The following TMEM108 variants were observed in gnomAD, a reference collection of about 807,000 sequenced individuals.
TMEM108 encodes the protein transmembrane protein 108.
A neutral mutation model predicts 35.1 loss-of-function variants in TMEM108; 12 were observed. The ratio of observed to expected loss-of-function variants is 0.34; its 90% CI spans 0.22 to 0.55. The LOEUF (loss-of-function observed/expected upper bound fraction) is 0.55, where lower values mean the gene tolerates loss of function less well. Among genes scored for constraint, TMEM108 ranks in the 20% least tolerant of loss-of-function variants. The probability of loss-of-function intolerance (pLI) is 0.89; values close to 1 mark genes in which losing one functional copy is unlikely to be tolerated. For synonymous variants in TMEM108, 287 were observed against 308.6 expected (o/e 0.93, Z 0.73); for missense variants, 680 against 753.3 (o/e 0.90, Z 1.14).
intron 2 of TMEM108, among the ~76,000 whole-genome samples, chr3:133,153,147 A>G (rs1238537119): frequency 6.6e-6 from 1 of 152,146 alleles, no homozygotes; most frequent in Admixed American, 6.6e-5. Flanking sequence ...CATTCCTCCT[A>G]TACATAAAAT....
At chr3:133,378,739 T>C (rs540852030) in intron 3 of TMEM108, among the ~76,000 whole-genome samples, 21 of 152,120 alleles carry the variant, frequency 1.4e-4, no homozygotes, top group Non-Finnish European at 2.5e-4. Flanking sequence ...TTTAAACATA[T>C]ACGTTTTTGT....
intron 1 of TMEM108, among the ~76,000 whole-genome samples, chr3:133,040,295 C>T (rs990708576): frequency 2.6e-5 from 4 of 151,276 alleles, no homozygotes; most frequent in Non-Finnish European, 5.9e-5. Context: ...CCTCCGTCTC[C>T]TGGATTCAAA....
At chr3:133,371,630 A>T (rs1014111640) in intron 3 of TMEM108, among the ~76,000 whole-genome samples, 1 of 151,276 alleles carries the variant, frequency 6.6e-6, no homozygotes. Flanking sequence ...AAAAAAAAAA[A>T]AAAAAAAAAC....
At chr3:133,220,062 T>C (rs1945966371) in intron 2 of TMEM108, among the ~76,000 whole-genome samples, 1 of 149,974 alleles carries the variant, frequency 6.7e-6, no homozygotes, top group Non-Finnish European at 1.5e-5. Context: ...CCTTATATAA[T>C]GATGTTTTTT....
chr3:133,146,615 G>T (rs1037377449), intron 2 of TMEM108, among the ~76,000 whole-genome samples: 1 of 152,098 alleles, frequency 6.6e-6, no homozygotes, highest in East Asian at 1.9e-4. Context: ...TAGTTGGTAG[G>T]CTATTAATTA....
chr3:133,261,075 C>T (rs747704592), intron 3 of TMEM108, among the ~76,000 whole-genome samples: 1 of 151,958 alleles, frequency 6.6e-6, no homozygotes, highest in Non-Finnish European at 1.5e-5. Flanking sequence ...ATATGTAGAT[C>T]CTGTTGTGGT....
intron 2 of TMEM108, among the ~76,000 whole-genome samples, chr3:133,185,780 TTTTC>T (rs1303944283): frequency 4.6e-5 from 3 of 64,646 alleles, no homozygotes; most frequent in Non-Finnish European, 8.4e-5. Flanking sequence ...TTTTCTTTTC[TTTTC>T]TTTTTTTTTT....
intron 3 of TMEM108, among the ~76,000 whole-genome samples, chr3:133,298,482 G>A (rs535949369): frequency 7.1e-4 from 108 of 152,256 alleles, no homozygotes; most frequent in Non-Finnish European, 1.4e-3. Flanking sequence ...TAGAGTGCTT[G>A]TGATTTTATG....
intron 3 of TMEM108, among the ~76,000 whole-genome samples, chr3:133,312,646 G>A (rs2071147903): frequency 6.6e-6 from 1 of 152,220 alleles, no homozygotes; most frequent in Non-Finnish European, 1.5e-5. Context: ...AGCTTCCCTT[G>A]GCTAGGAAAG....
At chr3:133,272,220 G>C (rs142259451) in intron 3 of TMEM108, among the ~76,000 whole-genome samples, 1 of 151,558 alleles carries the variant, frequency 6.6e-6, no homozygotes, top group Non-Finnish European at 1.5e-5. Context: ...GGGCGGAGGG[G>C]TATGTGGAGT....
At chr3:133,130,718 A>G (rs922177470) in intron 2 of TMEM108, among the ~76,000 whole-genome samples, 5 of 152,184 alleles carry the variant, frequency 3.3e-5, no homozygotes, top group African/African-American at 9.7e-5. Context: ...GTTTCTCACA[A>G]TCTTGCAGTG....
intron 2 of TMEM108, among the ~76,000 whole-genome samples, chr3:133,221,265 C>G (rs999264617): frequency 6.6e-6 from 1 of 152,136 alleles, no homozygotes; most frequent in Non-Finnish European, 1.5e-5. Context: ...AGCCCCCACC[C>G]AGGAGCCCAC....
intron 2 of TMEM108, among the ~76,000 whole-genome samples, chr3:133,214,501 C>T (rs1466828571): frequency 7.5e-6 from 1 of 133,922 alleles, no homozygotes; most frequent in African/African-American, 2.5e-5. Flanking sequence ...CCAACTTAAT[C>T]GAATCTTCTC....
intron 3 of TMEM108, among the ~76,000 whole-genome samples, chr3:133,314,077 A>G (rs1435072330): frequency 6.6e-6 from 1 of 152,124 alleles, no homozygotes; most frequent in African/African-American, 2.4e-5. Flanking sequence ...GATTCCTGCC[A>G]TGCTTGTTCA....
chr3:133,322,856 G>T (rs564568655), intron 3 of TMEM108, among the ~76,000 whole-genome samples: 2 of 152,190 alleles, frequency 1.3e-5, no homozygotes, highest in South Asian at 2.1e-4. Context: ...TGCAGGGATG[G>T]TTTAACATAT....
At chr3:133,160,024 G>A (rs1944938494) in intron 2 of TMEM108, among the ~76,000 whole-genome samples, 5 of 152,174 alleles carry the variant, frequency 3.3e-5, no homozygotes, top group African/African-American at 1.2e-4. Flanking sequence ...GCACATGCTA[G>A]GTTCACAGTC....
intron 2 of TMEM108, 36 bp downstream of exon 2, chr3:133,046,056 G>T (rs1201924501): frequency 6.6e-6 from 1 of 152,574 alleles, no homozygotes; most frequent in South Asian, 2.1e-4. Context: ...TGTTTTTCTT[G>T]CTTTTCCAAT....
intron 3 of TMEM108, among the ~76,000 whole-genome samples, chr3:133,264,250 A>G (rs1003759926): frequency 1.3e-5 from 2 of 152,158 alleles, no homozygotes; most frequent in African/African-American, 4.8e-5. Flanking sequence ...GGCTGCAGTG[A>G]ACTATAATTG....
rs559335555 is a variant in TMEM108 at position 133,346,474 on chromosome 3, G to A, written c.41-33278G>A. On this transcript the variant is annotated intron_variant, in intron 3 of 5. Coordinates refer to ENST00000321871, the MANE Select transcript of TMEM108 (RefSeq NM_023943.4). The surrounding 1 kb of genome is among the most constrained non-coding windows in gnomAD (Gnocchi z 4.0). ...TATCTGTATTATCTTCATTGGTGAG[G>A]TATCTGTTCAGATCTCTTGCCCAAT... 6.6e-6 allele frequency among the ~76,000 whole-genome samples: 1 copy of A among 151,942 alleles called. No individual in the cohort carries two copies. The highest frequency in any genetic ancestry group is 1.9e-4 in the East Asian group (1 of 5,180).
Sources: allele counts gnomAD v4.1 joint callset (sites outside exome capture counted in the v4.1 genomes callset), GRCh38; gene constraint gnomAD v4.1.1; non-coding constraint Gnocchi (gnomAD v3.1); transcripts MANE v1.5; gene names NCBI Gene and HGNC (gene_info 2026-07-23, HGNC 2026-07-21).